Variants in LCOR observed in about 807,000 individuals in gnomAD.
LCOR encodes ligand-dependent corepressor.
LCOR carries 14 observed loss-of-function variants against 64.4 expected under a neutral mutation model. The ratio of observed to expected loss-of-function variants is 0.22; its 90% CI spans 0.14 to 0.34. The LOEUF is 0.34. Among genes scored for constraint, LCOR ranks in the 10% least tolerant of loss-of-function variants. The probability of loss-of-function intolerance (pLI) is 1.00; values close to 1 mark genes in which losing one functional copy is unlikely to be tolerated. For missense variants in LCOR, 1,686 were observed against 1,765.3 expected (o/e 0.96, Z 0.80); for synonymous variants, 643 against 642.5 (o/e 1.00, Z -0.01).
intron 2 of LCOR, among the ~76,000 whole-genome samples, chr10:96,865,109 C>T (rs1845948991): frequency 1.3e-5 from 2 of 152,108 alleles, no homozygotes; most frequent in African/African-American, 4.8e-5. Context: ...TATAGGATAT[C>T]AACGTATATT....
chr10:96,849,300 C>G (rs1479461243), intron 2 of LCOR, among the ~76,000 whole-genome samples: 1 of 151,906 alleles, frequency 6.6e-6, no homozygotes, highest in Non-Finnish European at 1.5e-5. Flanking sequence ...GTCTCGATCT[C>G]CTGATCTCGT....
intron 2 of LCOR, among the ~76,000 whole-genome samples, chr10:96,897,206 A>T (rs996280595): frequency 7.9e-5 from 12 of 152,082 alleles, no homozygotes; most frequent in Non-Finnish European, 1.5e-4. Flanking sequence ...TTATGGATTC[A>T]GTAATGCTTT....
At chr10:96,854,630 T>C (rs558034988) in intron 2 of LCOR, among the ~76,000 whole-genome samples, 1 of 152,264 alleles carries the variant, frequency 6.6e-6, no homozygotes, top group East Asian at 1.9e-4. Context: ...CCTGGCCCAT[T>C]TCTTCATATT....
intron 4 of LCOR, among the ~76,000 whole-genome samples, chr10:96,942,458 G>GGAGAGA (rs1554839359): frequency 6.6e-6 from 1 of 150,550 alleles, no homozygotes; most frequent in Non-Finnish European, 1.5e-5. Flanking sequence ...GAGAGGGAGA[G>GGAGAGA]GAGGGAGAGG....
At chr10:96,876,729 G>T (rs1846170547) in intron 2 of LCOR, among the ~76,000 whole-genome samples, 1 of 151,788 alleles carries the variant, frequency 6.6e-6, no homozygotes, top group African/African-American at 2.4e-5. Flanking sequence ...CGCTCTTGTT[G>T]CCCAGGCTAG....
intron 2 of LCOR, among the ~76,000 whole-genome samples, chr10:96,898,138 G>A (rs532661012): frequency 2.4e-4 from 37 of 152,084 alleles, no homozygotes; most frequent in African/African-American, 7.7e-4. Context: ...AAAATCTAGC[G>A]GATTAAATAC....
Position 96,983,137 on chromosome 10 carries a change from T to C in LCOR, c.2677T>C (p.Ser893Pro). 4.3e-6 allele frequency: 7 copies of C among 1,613,796 alleles called. No homozygotes were observed. Among genetic ancestry groups the C allele is most frequent in the Non-Finnish European group, 5.9e-6 (7 of 1,179,842 alleles). Reference protein sequence around the residue: ...TEKPSVNERPSEKDAEQEGEG... With the variant: ...TEKPSVNERPPEKDAEQEGEG... Reference sequence around the variant, plus strand: ...AAAGCCAAGTGTCAATGAACGCCCCTCTGAGAAAGATGCTGAGCAGGAGGG... The same window carrying C: ...AAAGCCAAGTGTCAATGAACGCCCCCCTGAGAAAGATGCTGAGCAGGAGGG... Residue 893 changes from serine (S) to proline (P), a missense_variant, in exon 8 of 8, where the codon TCT (serine) becomes CCT (proline). Ser to Pro is a moderately conservative substitution (Grantham distance 74, BLOSUM62 -1). Transcript: ENST00000421806. This position sits in a 1 kb window ranked among gnomAD's most constrained non-coding sequence, Gnocchi z 4.5.
intron 2 of LCOR, among the ~76,000 whole-genome samples, chr10:96,873,570 ACGTGTGTGTGTGTGTG>A (rs1343418953): frequency 3.0e-5 from 2 of 66,388 alleles, no homozygotes; most frequent in African/African-American, 1.3e-4. Context: ...ACACACACAC[ACGTGTGTGTGTGTGTG>A]TGTGTGTGTG....
chr10:96,948,452 A>G (rs978562336), intron 5 of LCOR, among the ~76,000 whole-genome samples: 5 of 152,324 alleles, frequency 3.3e-5, no homozygotes, highest in African/African-American at 1.2e-4. Context: ...TGTTTTTGCA[A>G]AGCTGTCAGG....
intron 2 of LCOR, among the ~76,000 whole-genome samples, chr10:96,850,358 T>C (rs1389670100): frequency 6.6e-6 from 1 of 152,176 alleles, no homozygotes; most frequent in Non-Finnish European, 1.5e-5. Flanking sequence ...AGTACTGGTC[T>C]GGACAACATA....
intron 4 of LCOR, among the ~76,000 whole-genome samples, chr10:96,911,062 C>G (rs1846823494): frequency 6.9e-6 from 1 of 145,654 alleles, no homozygotes; most frequent in Non-Finnish European, 1.5e-5. Context: ...TTCTGAGCAT[C>G]TACTATGTGC....
intron 2 of LCOR, among the ~76,000 whole-genome samples, chr10:96,851,665 A>G (rs1287963969): frequency 6.6e-6 from 1 of 152,246 alleles, no homozygotes; most frequent in Non-Finnish European, 1.5e-5. Flanking sequence ...AAAGCCATCC[A>G]GAAGAATTCC....
intron 7 of LCOR, among the ~76,000 whole-genome samples, chr10:96,968,937 C>CAAAAAAAAAAA (rs146079321): frequency 4.3e-5 from 6 of 140,310 alleles, no homozygotes; most frequent in African/African-American, 1.3e-4. Context: ...ATCCTGTCTC[C>CAAAAAAAAAAA]AAAAAAAAAA....
In LCOR at chr10:96,953,850, A is replaced by G. The variant is rs539926724; in HGVS notation, c.332+1654A>G. On this transcript the variant is annotated intron_variant, in intron 7 of 7. Transcript: ENST00000421806. ...GATAGTAGTCCCCATAGAGTTTTGT[A>G]GAACATAACTGGTTTATCATTTCTG... Among the ~76,000 whole-genome samples, 3 of 152,364 alleles carry G rather than the reference A, an allele frequency of 2.0e-5. No individual in the cohort carries two copies. The South Asian group carries it at 6.2e-4, about 32-fold the overall frequency.
At chr10:96,883,501 C>T (rs1846296172) in intron 2 of LCOR, among the ~76,000 whole-genome samples, 1 of 152,228 alleles carries the variant, frequency 6.6e-6, no homozygotes, top group African/African-American at 2.4e-5. Context: ...CCCATGTTTT[C>T]ACCAGCATTT....
At chr10:96,896,634 G>A (rs1846542036) in intron 2 of LCOR, among the ~76,000 whole-genome samples, 2 of 152,050 alleles carry the variant, frequency 1.3e-5, no homozygotes, top group Admixed American at 1.3e-4. Flanking sequence ...ATGTTGGCCA[G>A]GCTGGTCTTG....
In LCOR at chr10:96,993,889, A is replaced by C. The variant is rs1489795757; in HGVS notation, c.*8755A>C. ...AATAAGATCCTAGGTAATAACATTT[A>C]TTCCAGGGCCCACATTGGCCCTTGT... is the stretch of plus-strand genomic sequence containing the variant. On this transcript the variant is annotated 3_prime_UTR_variant, in exon 8 of 8. Coordinates refer to ENST00000421806, the MANE Select transcript of LCOR (RefSeq NM_001346516.2). The C allele has an allele frequency of 6.6e-6, 1 of 152,058 alleles. No individual in the cohort carries two copies. Among genetic ancestry groups the C allele is most frequent in the Non-Finnish European group, 1.5e-5 (1 of 68,026 alleles). The allele number at this position is 152,058 out of a possible 1,614,324, so 9.4% of individuals were successfully genotyped here.
At chr10:96,940,103 T>C (rs1338671575) in intron 4 of LCOR, among the ~76,000 whole-genome samples, 1 of 152,184 alleles carries the variant, frequency 6.6e-6, no homozygotes, top group African/African-American at 2.4e-5. Flanking sequence ...CCACTTCTTA[T>C]CTACTAAAAT....
intron 7 of LCOR, chr10:96,957,170 T>G (rs1847797948): frequency 3.0e-6 from 3 of 984,710 alleles, no homozygotes; most frequent in Admixed American, 6.2e-5. Flanking sequence ...TGTTGGGTTT[T>G]TTTTTTAAGT....
Sources: gnomAD v4.1 joint callset for allele counts (sites outside exome capture counted in the v4.1 genomes callset) on GRCh38, gnomAD v4.1.1 for gene constraint, Gnocchi (gnomAD v3.1) non-coding constraint, MANE v1.5 for transcripts, NCBI Gene and HGNC (gene_info 2026-07-23, HGNC 2026-07-21) for gene names.